The following CA10 variants were observed in gnomAD, a reference collection of about 807,000 sequenced individuals.
CA10 encodes carbonic anhydrase 10 (inactive).
CA10 carries 14 observed loss-of-function variants against 44.2 expected under a neutral mutation model. That is an observed-to-expected ratio of 0.32 (90% CI 0.21 to 0.50). The LOEUF (loss-of-function observed/expected upper bound fraction) is 0.50. Among genes scored for constraint, CA10 ranks in the 20% least tolerant of loss-of-function variants. The pLI, the probability that CA10 is intolerant of heterozygous loss-of-function variation, is 0.99. For missense variants in CA10, 350 were observed against 409.7 expected, an observed-to-expected ratio of 0.85 and a Z score of 1.26; for synonymous variants, 159 against 141.6, an observed-to-expected ratio of 1.12 and a Z score of -0.87.
intron 2 of CA10, among the ~76,000 whole-genome samples, chr17:51,945,347 G>A (rs1172848217): frequency 1.3e-5 from 2 of 152,060 alleles, no homozygotes; most frequent in Non-Finnish European, 2.9e-5. Context: ...TCAAGGGTGG[G>A]GTAAATATCC....
chr17:51,674,548 A>G (rs1449831919), intron 4 of CA10, among the ~76,000 whole-genome samples: 1 of 152,222 alleles, frequency 6.6e-6, no homozygotes, highest in Non-Finnish European at 1.5e-5. Context: ...TCCCAGAGGC[A>G]TATATAGAAC....
At chr17:51,796,588 G>C (rs574843896) in intron 3 of CA10, among the ~76,000 whole-genome samples, 1 of 152,214 alleles carries the variant, frequency 6.6e-6, no homozygotes, top group Non-Finnish European at 1.5e-5. Flanking sequence ...GAATCCTAGA[G>C]CACTTTAACT....
At chr17:52,029,224 C>G (rs749045713) in intron 2 of CA10, among the ~76,000 whole-genome samples, 6 of 152,088 alleles carry the variant, frequency 3.9e-5, no homozygotes, top group African/African-American at 4.8e-5. Context: ...AAGAAGGAAC[C>G]CACCTAGATC....
Position 51,730,524 on chromosome 17 carries a change from G to A in CA10, c.465+17109C>T, listed in dbSNP as rs79572960. The stretch of plus-strand genomic sequence containing the variant: ...TTAACATGTGTTTGCAATAAAGCGA[G>A]TCATGCTATAGCTAAGAAAGTAGTG... On this transcript the variant is annotated intron_variant, in intron 4 of 8. Coordinates refer to ENST00000451037, the MANE Select transcript of CA10 (RefSeq NM_020178.5). 6.4e-3 allele frequency among the ~76,000 whole-genome samples: 971 copies of A among 152,284 alleles called. 9 individuals carry two copies. The highest frequency in any genetic ancestry group is 0.04 in the East Asian group (207 of 5,180).
intron 3 of CA10, among the ~76,000 whole-genome samples, chr17:51,926,255 C>T (rs933439904): frequency 1.3e-5 from 2 of 152,106 alleles, no homozygotes; most frequent in African/African-American, 4.8e-5. Context: ...CAAAGGTGCT[C>T]TCACAAATCT....
chr17:51,999,162 C>A (rs769141245), intron 2 of CA10, among the ~76,000 whole-genome samples: 1 of 151,950 alleles, frequency 6.6e-6, no homozygotes, highest in Non-Finnish European at 1.5e-5. Flanking sequence ...GCCAAGCAAG[C>A]GTTGTTTGGG....
intron 2 of CA10, among the ~76,000 whole-genome samples, chr17:52,042,247 A>G (rs1361277868): frequency 6.6e-6 from 1 of 151,894 alleles, no homozygotes; most frequent in Non-Finnish European, 1.5e-5. Context: ...TCTCATCCTC[A>G]CCAACGTTTG....
chr17:51,695,421 T>C (rs1216338553), intron 4 of CA10, among the ~76,000 whole-genome samples: 1 of 152,102 alleles, frequency 6.6e-6, no homozygotes, highest in Non-Finnish European at 1.5e-5. Context: ...ATGTGGGTGT[T>C]TGTGTGTGGC....
chr17:51,881,993 A>G (rs545375319), intron 3 of CA10, among the ~76,000 whole-genome samples: 1 of 152,178 alleles, frequency 6.6e-6, no homozygotes, highest in East Asian at 1.9e-4. Flanking sequence ...TTGTAATAGT[A>G]AAAAAGTGGA....
intron 3 of CA10, among the ~76,000 whole-genome samples, chr17:51,925,875 T>A (rs1332805740): frequency 6.6e-6 from 1 of 152,082 alleles, no homozygotes; most frequent in East Asian, 1.9e-4. Flanking sequence ...TTATATGAGG[T>A]ACCTAGAGCA....
chr17:51,634,882 A>G (rs1004344783), intron 7 of CA10, among the ~76,000 whole-genome samples: 1 of 152,136 alleles, frequency 6.6e-6, no homozygotes, highest in African/African-American at 2.4e-5. Flanking sequence ...CTTTCTGAAC[A>G]CTGTAGTTGT....
At chr17:51,677,655 CA>C (rs1160542126) in intron 4 of CA10, among the ~76,000 whole-genome samples, 3 of 151,976 alleles carry the variant, frequency 2.0e-5, no homozygotes, top group Non-Finnish European at 4.4e-5. Context: ...AAGAGGGAGA[CA>C]GGGTGGAGTA....
intron 3 of CA10, among the ~76,000 whole-genome samples, chr17:51,790,060 C>T: frequency 6.6e-6 from 1 of 152,182 alleles, no homozygotes. Flanking sequence ...AACTTAGTGG[C>T]CTCCTTGGTT....
At chr17:52,108,194 T>TTTATA (rs1988705947) in intron 1 of CA10, among the ~76,000 whole-genome samples, 2 of 58,038 alleles carry the variant, frequency 3.4e-5, no homozygotes, top group Non-Finnish European at 5.3e-5. Context: ...TATATATTTT[T>TTTATA]TATATATATA....
intron 4 of CA10, among the ~76,000 whole-genome samples, chr17:51,707,671 A>ATG (rs3031847): frequency 0.13 from 18,633 of 142,788 alleles, 1,331 homozygotes; most frequent in East Asian, 0.28. Flanking sequence ...GTGGATGAAT[A>ATG]TGTGTGTGTG....
chr17:52,131,372 A>G (rs1989235786), intron 1 of CA10, among the ~76,000 whole-genome samples: 1 of 152,260 alleles, frequency 6.6e-6, no homozygotes, highest in Admixed American at 6.5e-5. Flanking sequence ...CTTACATTTT[A>G]CTATTCTCTA....
intron 2 of CA10, among the ~76,000 whole-genome samples, chr17:52,064,773 G>C (rs1210276435): frequency 6.6e-6 from 1 of 152,166 alleles, no homozygotes; most frequent in African/African-American, 2.4e-5. Context: ...AACAGATGAT[G>C]CTGTCCTGAG....
At chr17:51,679,649 C>T (rs1210738149) in intron 4 of CA10, among the ~76,000 whole-genome samples, 8 of 151,504 alleles carry the variant, frequency 5.3e-5, no homozygotes, top group Admixed American at 1.3e-4. Context: ...AACCTCCAAC[C>T]CCTGGGTTGA....
intron 3 of CA10, among the ~76,000 whole-genome samples, chr17:51,873,633 G>T (rs902616977): frequency 2.0e-5 from 3 of 152,176 alleles, no homozygotes; most frequent in African/African-American, 7.2e-5. Flanking sequence ...GAGATGTTGG[G>T]CTTCACTGCA....
Sources: allele counts gnomAD v4.1 joint callset (sites outside exome capture counted in the v4.1 genomes callset), GRCh38; gene constraint gnomAD v4.1.1; transcripts MANE v1.5; gene names NCBI Gene and HGNC (gene_info 2026-07-23, HGNC 2026-07-21).